Variants in TTBK2 observed in about 807,000 individuals in gnomAD.
TTBK2 encodes tau-tubulin kinase 2.
A neutral mutation model predicts 110.8 loss-of-function variants in TTBK2; 28 were observed. That is an observed-to-expected ratio of 0.25 (90% CI 0.19 to 0.35). The LOEUF (loss-of-function observed/expected upper bound fraction) is 0.35. Among genes scored for constraint, TTBK2 ranks in the 10% least tolerant of loss-of-function variants. TTBK2 has a pLI of 1.00. For missense variants in TTBK2, 1,369 were observed against 1,500.3 expected (o/e 0.91, Z 1.45); for synonymous variants, 532 against 527.3 (o/e 1.01, Z -0.12).
intron 7 of TTBK2, among the ~76,000 whole-genome samples, chr15:42,815,804 A>T (rs192328505): frequency 2.8e-4 from 41 of 145,914 alleles, no homozygotes; most frequent in Middle Eastern, 7.2e-3. Context: ...TATATTCCCA[A>T]ATAATTTCTT....
chr15:42,783,744 TAA>T (rs34530003), intron 10 of TTBK2, 109 bp from the exon 11 acceptor site: 3,741 of 673,114 alleles, frequency 5.6e-3, no homozygotes, highest in Non-Finnish European at 6.1e-3. Flanking sequence ...TTAAGAGAGT[TAA>T]AAAAAAAAAA....
chr15:42,747,797 G>A (rs750649660), intron 14 of TTBK2, among the ~76,000 whole-genome samples: 2 of 152,088 alleles, frequency 1.3e-5, no homozygotes. Context: ...TACAGCAAAG[G>A]AACAGACAAA....
chr15:42,788,977 G>C (rs1890526187), intron 10 of TTBK2, among the ~76,000 whole-genome samples: 1 of 152,176 alleles, frequency 6.6e-6, no homozygotes, highest in Non-Finnish European at 1.5e-5. Context: ...TCATTACAGG[G>C]AAGCAGATTA....
At chr15:42,762,005 T>C (rs112186981) in intron 13 of TTBK2, among the ~76,000 whole-genome samples, 9,168 of 152,196 alleles carry the variant, frequency 0.06, 636 homozygotes, top group African/African-American at 0.18. Flanking sequence ...ATGGTTATTA[T>C]AAGGGGGAGT....
At chr15:42,749,687 G>A (rs2061840023) in intron 14 of TTBK2, among the ~76,000 whole-genome samples, 1 of 152,208 alleles carries the variant, frequency 6.6e-6, no homozygotes, top group East Asian at 1.9e-4. Flanking sequence ...TGAAGTGACT[G>A]CTAGGGGATT....
intron 13 of TTBK2, among the ~76,000 whole-genome samples, chr15:42,767,803 CA>C: frequency 6.6e-6 from 1 of 152,156 alleles, no homozygotes; most frequent in East Asian, 1.9e-4. Context: ...GACAGAGACA[CA>C]ACAAAAAAAG....
chr15:42,754,097 T>C (rs1422153845), intron 13 of TTBK2, among the ~76,000 whole-genome samples: 3 of 151,616 alleles, frequency 2.0e-5, no homozygotes, highest in Non-Finnish European at 4.4e-5. Flanking sequence ...TTTTTTTTTT[T>C]TTTTTGAGAC....
chr15:42,915,841 G>C (rs2031052062), intron 1 of TTBK2, among the ~76,000 whole-genome samples: 1 of 152,088 alleles, frequency 6.6e-6, no homozygotes, highest in Non-Finnish European at 1.5e-5. Flanking sequence ...CAGCTACCCA[G>C]GAGGCTAAGG....
chr15:42,879,412 T>G (rs1021768300), intron 1 of TTBK2, among the ~76,000 whole-genome samples: 3 of 152,114 alleles, frequency 2.0e-5, no homozygotes, highest in African/African-American at 7.2e-5. Flanking sequence ...TTTTGTTTTT[T>G]AAAAAGAAAG....
At chr15:42,910,167 A>C (rs958872675) in intron 1 of TTBK2, among the ~76,000 whole-genome samples, 1 of 152,198 alleles carries the variant, frequency 6.6e-6, no homozygotes, top group Non-Finnish European at 1.5e-5. Flanking sequence ...AACAGATAAT[A>C]GTTATATAAA....
intron 3 of TTBK2, among the ~76,000 whole-genome samples, chr15:42,865,638 C>T (rs1417700416): frequency 1.3e-5 from 2 of 151,754 alleles, no homozygotes; most frequent in South Asian, 2.1e-4. Context: ...GTCTGGGCAA[C>T]ATAGCGAGAC....
At chr15:42,868,473 C>G in intron 3 of TTBK2, among the ~76,000 whole-genome samples, 1 of 152,178 alleles carries the variant, frequency 6.6e-6, no homozygotes, top group African/African-American at 2.4e-5. Context: ...TAGGATACCT[C>G]TATACTTTCC....
chr15:42,839,045 A>C (rs548951834), intron 4 of TTBK2, among the ~76,000 whole-genome samples: 1 of 152,174 alleles, frequency 6.6e-6, no homozygotes, highest in Non-Finnish European at 1.5e-5. Context: ...TTTGTCACAC[A>C]GGTAGTGAGC....
intron 13 of TTBK2, among the ~76,000 whole-genome samples, chr15:42,754,415 A>C (rs561304441): frequency 2.8e-4 from 42 of 149,800 alleles, no homozygotes; most frequent in African/African-American, 9.8e-4. Flanking sequence ...TTTTTTTATG[A>C]GATGTTGTCT....
intron 13 of TTBK2, among the ~76,000 whole-genome samples, chr15:42,764,707 C>G (rs1317849796): frequency 6.6e-6 from 1 of 152,280 alleles, no homozygotes; most frequent in Non-Finnish European, 1.5e-5. Flanking sequence ...GCAGCAGAAA[C>G]TTTTGCAAAC....
chr15:42,864,925 A>G (rs1298771896), intron 3 of TTBK2, among the ~76,000 whole-genome samples: 1 of 151,810 alleles, frequency 6.6e-6, no homozygotes, highest in African/African-American at 2.4e-5. Flanking sequence ...TTTTGTGCAT[A>G]TAAATATATA....
chr15:42,907,956 T>C (rs2030511862), intron 1 of TTBK2, among the ~76,000 whole-genome samples: 1 of 151,432 alleles, frequency 6.6e-6, no homozygotes, highest in Non-Finnish European at 1.5e-5. Context: ...CATGGTGGCA[T>C]GTGCCTGTGG....
chr15:42,747,808 TGAATG>T (rs1388213620), intron 14 of TTBK2, among the ~76,000 whole-genome samples: 3 of 151,026 alleles, frequency 2.0e-5, no homozygotes, highest in Non-Finnish European at 4.4e-5. Context: ...AACAGACAAA[TGAATG>T]GAACAGAGCA....
intron 1 of TTBK2, among the ~76,000 whole-genome samples, chr15:42,887,196 C>A (rs774278253): frequency 3.3e-5 from 5 of 152,170 alleles, no homozygotes; most frequent in Non-Finnish European, 7.4e-5. Flanking sequence ...TTAATGCACT[C>A]CTTTTTGGTC....
Sources: gnomAD v4.1 joint callset for allele counts (sites outside exome capture counted in the v4.1 genomes callset) on GRCh38, gnomAD v4.1.1 for gene constraint, MANE v1.5 for transcripts, NCBI Gene and HGNC (gene_info 2026-07-23, HGNC 2026-07-21) for gene names.